RBBP8NL: variants seen among roughly 807,000 people sequenced by gnomAD.
The protein encoded by RBBP8NL is RBBP8 N-terminal-like protein.
A neutral mutation model predicts 62.2 loss-of-function variants in RBBP8NL; 59 were observed. The ratio of observed to expected loss-of-function variants is 0.95; its 90% CI spans 0.77 to 1.18. The LOEUF (loss-of-function observed/expected upper bound fraction) is 1.18, where lower values mean the gene tolerates loss of function less well. Among genes scored for constraint, RBBP8NL ranks in the 50% most tolerant of loss-of-function variants. The probability of loss-of-function intolerance (pLI) is 0.00; values close to 1 mark genes in which losing one functional copy is unlikely to be tolerated. For synonymous variants in RBBP8NL, 412 were observed against 394.1 expected (o/e 1.05, Z -0.54); for missense variants, 896 against 899.5 (o/e 1.00, Z 0.05).
rs185353186 is a variant in RBBP8NL, at chr20:62,417,314, G to A, written c.110C>T (p.Ala37Val). The A allele has an allele frequency of 8.2e-6, 13 of 1,592,936 alleles. No individual in the cohort carries two copies. In the East Asian group the frequency reaches 2.7e-4, roughly 33 times the overall value. ...LELNSERCRDAQRIEELFSKN... is the reference protein window; with the variant it reads ...LELNSERCRDVQRIEELFSKN... ...GGAGAAGAGCTCCTCGATCCTCTGG[G>A]CGTCCCTGTGGTGGGAAACAGCTAA... Residue 37 changes from alanine (A) to valine (V), a missense_variant, in exon 4 of 14, where the codon GCC becomes GTC. By Grantham distance (64) the Ala-to-Val change is moderately conservative (BLOSUM62 0). Transcript: ENST00000252998.
intron 7 of RBBP8NL, 54 bp from the exon 8 acceptor site, chr20:62,415,714 G>A (rs1022173966): frequency 9.3e-6 from 15 of 1,609,518 alleles, no homozygotes; most frequent in South Asian, 5.5e-5. Flanking sequence ...GAGGGGCAGC[G>A]GCCCAGCCCC....
rs1188219840 is a variant in RBBP8NL at position 62,415,839 on chromosome 20, C to T, written c.493G>A (p.Gly165Ser). 16 of 1,612,390 alleles carry T rather than the reference C, an allele frequency of 9.9e-6. No individual in the cohort carries two copies. The highest frequency in any genetic ancestry group is 2.2e-5 in the East Asian group (1 of 44,882). ...TGGTCTTCCTCAGCCTCCTCGTGGCCTCCCGGTGGCTTCTCTGTGATGGCC... is the reference window on the plus strand; with the variant it reads ...TGGTCTTCCTCAGCCTCCTCGTGGCTTCCCGGTGGCTTCTCTGTGATGGCC... ...WKAITEKPPG[G>S]HEEAEEDHQG... The change falls in exon 7 of 14, where the codon GGC (glycine) becomes AGC (serine). Residue 165 changes from glycine to serine, a missense_variant. Transcript: ENST00000252998.
chr20:62,424,925 G>A (rs1275468743), intron 1 of RBBP8NL, among the ~76,000 whole-genome samples: 2 of 152,004 alleles, frequency 1.3e-5, no homozygotes, highest in African/African-American at 2.4e-5. Flanking sequence ...GGCAGGGGTC[G>A]CATTCCTGAA....
Position 62,417,900 on chromosome 20 carries a change from C to T in RBBP8NL, c.104+523G>A, listed in dbSNP as rs7270152. On this transcript the variant is annotated intron_variant, in intron 3 of 13. Coordinates refer to ENST00000252998, the MANE Select transcript of RBBP8NL (RefSeq NM_080833.3). ...CGCCCCCCCAGTCATCTGCACGCTCCTCTGTGACGTCTGTCCTGTCCACGC... is the reference window on the plus strand; with the variant it reads ...CGCCCCCCCAGTCATCTGCACGCTCTTCTGTGACGTCTGTCCTGTCCACGC... 3.4e-3 allele frequency among the ~76,000 whole-genome samples: 151 copies of T among 44,992 alleles called. 1 individual carries two copies. Among genetic ancestry groups the T allele is most frequent in the East Asian group, 8.6e-3 (7 of 818 alleles). The allele number at this position is 44,992 out of a possible 152,430, so 29.5% of individuals were successfully genotyped here.
At chr20:62,423,083 T>C (rs553666853) in intron 1 of RBBP8NL, among the ~76,000 whole-genome samples, 6 of 151,910 alleles carry the variant, frequency 3.9e-5, no homozygotes, top group Non-Finnish European at 8.8e-5. Flanking sequence ...GACGCTGAGC[T>C]CCAGAGGTGG....
At position 62,421,616 on chromosome 20, in the gene RBBP8NL, TAGGC is replaced by T. The variant is rs1328587505; in HGVS notation, c.-83-1890_-83-1887del. Among the ~76,000 whole-genome samples, 7 of 142,808 alleles carry T rather than the reference TAGGC, an allele frequency of 4.9e-5. No homozygotes were observed. The East Asian group carries it at 1.5e-3, about 31-fold the overall frequency. The allele number at this position is 142,808 out of a possible 152,430, so 93.7% of individuals were successfully genotyped here. On this transcript the variant is annotated intron_variant, in intron 1 of 13. Transcript: ENST00000252998. The stretch of plus-strand genomic sequence containing the variant: ...GCATGTGTGTGGCATGTGTGCATGA[TAGGC>T]AGTGTGCATGTGTGTGTGCCAGAGC...
At chr20:62,420,835 T>C (rs1237847820) in intron 1 of RBBP8NL, among the ~76,000 whole-genome samples, 1 of 152,214 alleles carries the variant, frequency 6.6e-6, no homozygotes, top group African/African-American at 2.4e-5. Flanking sequence ...CAGGAGGTCC[T>C]TGGTAGGCAG....
chr20:62,423,025 T>C (rs4925233), intron 1 of RBBP8NL, among the ~76,000 whole-genome samples: 59,840 of 151,706 alleles, frequency 0.39, 12,888 homozygotes, highest in East Asian at 0.63. Context: ...GGGGCTTTCC[T>C]GGTGGGAGGC....
chr20:62,413,302 C>T, intron 11 of RBBP8NL, 99 bp downstream of exon 11: 1 of 1,331,620 alleles, frequency 7.5e-7, no homozygotes, highest in East Asian at 2.8e-5. Flanking sequence ...CAGAGCTGGG[C>T]CTGGAGACAC....
intron 13 of RBBP8NL, among the ~76,000 whole-genome samples, chr20:62,411,260 T>C (rs1466079377): frequency 6.6e-6 from 1 of 152,190 alleles, no homozygotes; most frequent in African/African-American, 2.4e-5. Flanking sequence ...AGTGGCCCCC[T>C]TCCTGCCTTG....
chr20:62,414,723 G>T (rs947686082), intron 9 of RBBP8NL, among the ~76,000 whole-genome samples, 167 bp from the exon 10 acceptor site: 13 of 152,218 alleles, frequency 8.5e-5, no homozygotes, highest in African/African-American at 3.1e-4. Context: ...GGAGGGAGGG[G>T]AGGCTCAGCC....
Position 62,415,807 on chromosome 20 carries a change from G to C in RBBP8NL, c.525C>G (p.Gly175=), listed in dbSNP as rs749027121. The C allele has an allele frequency of 1.2e-5, 19 of 1,612,172 alleles. No homozygotes were observed. In the East Asian group the frequency reaches 4.2e-4, roughly 36 times the overall value. Residue 175 remains glycine (G), a synonymous_variant, in exon 7 of 14, where the codon GGC becomes GGG. Coordinates refer to ENST00000252998, the MANE Select transcript of RBBP8NL (RefSeq NM_080833.3). ...GHEEAEEDHQ[G]VGLRGEEKPA... ...CAGCACCTTCTCCCCGTAGGCCCAC[G>C]CCCTGGTGGTCTTCCTCAGCCTCCT...
chr20:62,415,727 G>C lies in RBBP8NL; in HGVS notation c.544+61C>G, dbSNP rs1461740024. The stretch of plus-strand genomic sequence containing the variant: ...CAGAGGGGCAGCGGCCCAGCCCCAG[G>C]GGGAGGATCCCTGGTCCTGCGGGGG... On this transcript the variant is annotated intron_variant, in intron 7 of 13. Coordinates refer to ENST00000252998, the MANE Select transcript of RBBP8NL (RefSeq NM_080833.3). The C allele has an allele frequency of 3.7e-6, 6 of 1,609,748 alleles. No homozygotes were observed. In the Admixed American group the frequency reaches 5.0e-5, roughly 13 times the overall value.
Position 62,415,713 on chromosome 20 carries a change from C to T in RBBP8NL, c.545-53G>A, listed in dbSNP as rs374843458. On this transcript the variant is annotated intron_variant, in intron 7 of 13. Transcript: ENST00000252998. ...GCTTGGGAGGTGCTCAGAGGGGCAG[C>T]GGCCCAGCCCCAGGGGGAGGATCCC... 1,621 of 1,607,846 alleles carry T rather than the reference C, an allele frequency of 1.0e-3. 34 individuals are homozygous for T. The South Asian group carries it at 0.016, about 15-fold the overall frequency.
In RBBP8NL at chr20:62,414,190, G is replaced by C. The variant is rs769892737; in HGVS notation, c.1161C>G (p.Ser387=). The C allele has an allele frequency of 6.2e-7, 1 of 1,609,522 alleles. No homozygotes were observed. The highest frequency in any genetic ancestry group is 1.3e-5 in the African/African-American group (1 of 75,034). ...CCTCAGAGTCTGAGCCGACTGGTAG[G>C]GAGGGCAGCATCTCCCCGGGTGTGG... ...GQPTPGEMLP[S]LPVGSDSEGP... Residue 387 remains serine, a synonymous_variant, in exon 10 of 14, where the codon TCC becomes TCG. Transcript: ENST00000252998.
Position 62,417,239 on chromosome 20 carries a change from C to G in RBBP8NL, c.185G>C (p.Arg62Pro). ...EQQKTLKENL[R>P]VLENRLRAGL... Reference sequence around the variant, plus strand: ...CCAGGCCCACCTGTTCTCCAGCACCCGCAGGTTCTCCTTCAGTGTCTTCTG... The same window carrying G: ...CCAGGCCCACCTGTTCTCCAGCACCGGCAGGTTCTCCTTCAGTGTCTTCTG... Residue 62 changes from arginine to proline, a missense_variant, in exon 4 of 14, where the codon CGG (arginine) becomes CCG (proline). By Grantham distance (103) the Arg-to-Pro change is moderately radical. Transcript: ENST00000252998. 6.2e-7 allele frequency: 1 copy of G among 1,603,654 alleles called. No individual in the cohort carries two copies. Among genetic ancestry groups the G allele is most frequent in the South Asian group, 1.1e-5 (1 of 88,972 alleles).
intron 13 of RBBP8NL, among the ~76,000 whole-genome samples, chr20:62,411,902 G>A (rs6089364): frequency 0.28 from 43,321 of 152,286 alleles, 7,787 homozygotes; most frequent in East Asian, 0.6. Context: ...ACACAGTGGC[G>A]GCACCACCCC....
chr20:62,414,243 C>T lies in RBBP8NL; in HGVS notation c.1108G>A (p.Ala370Thr). The T allele has an allele frequency of 1.3e-6, 2 of 1,598,804 alleles. No individual in the cohort carries two copies. Among genetic ancestry groups the T allele is most frequent in the South Asian group, 2.2e-5 (2 of 89,122 alleles). The change falls in exon 10 of 14, where the codon GCA (alanine) becomes ACA (threonine). Residue 370 changes from alanine to threonine, a missense_variant. Transcript: ENST00000252998. ...AQQQLRARAR[A>T]GSVRPRGQPT... Reference sequence around the variant, plus strand: ...TGGCCCCTTGGCCTGACACTGCCTGCCCTGGCCCTAGCCCGCAGCTGCTGC... The same window carrying T: ...TGGCCCCTTGGCCTGACACTGCCTGTCCTGGCCCTAGCCCGCAGCTGCTGC...
intron 1 of RBBP8NL, among the ~76,000 whole-genome samples, chr20:62,422,199 C>T (rs762501060): frequency 1.3e-5 from 2 of 152,192 alleles, no homozygotes; most frequent in Admixed American, 6.5e-5. Context: ...GATCACAGAG[C>T]GGAACAGCCA....
Sources: allele counts gnomAD v4.1 joint callset (sites outside exome capture counted in the v4.1 genomes callset), GRCh38; gene constraint gnomAD v4.1.1; transcripts MANE v1.5; gene names NCBI Gene and HGNC (gene_info 2026-07-23, HGNC 2026-07-21).